Variants in INSL6 observed in about 807,000 individuals in gnomAD.
INSL6 encodes insulin like 6.
In INSL6, 16 loss-of-function variants were observed where a neutral mutation model predicts 9.4. The ratio of observed to expected loss-of-function variants is 1.70; its 90% CI spans 1.15 to 2.59. INSL6 has a LOEUF of 2.59. INSL6 is among the 30% of genes most tolerant of loss of function. The probability of loss-of-function intolerance (pLI) is 0.00; values close to 1 mark genes in which losing one functional copy is unlikely to be tolerated. For missense variants in INSL6, 391 were observed against 257.3 expected, an observed-to-expected ratio of 1.52 and a Z score of -3.56; for synonymous variants, 154 against 96.9, an observed-to-expected ratio of 1.59 and a Z score of -3.46.
the INSL6 span, among the ~76,000 whole-genome samples, chr9:5,056,428 TTAA>T: frequency 6.6e-6 from 1 of 152,228 alleles, no homozygotes; most frequent in East Asian, 1.9e-4. Context: ...ACTAGTCCTA[TTAA>T]TGTTATTTGT....
the INSL6 span, chr9:5,112,157 C>T: frequency 6.9e-6 from 2 of 289,156 alleles, no homozygotes; most frequent in Non-Finnish European, 1.4e-5. Flanking sequence ...AACGTGCACA[C>T]GCTGCTACCC....
chr9:5,055,412 T>A, the INSL6 span, among the ~76,000 whole-genome samples: 3 of 152,028 alleles, frequency 2.0e-5, no homozygotes, highest in Non-Finnish European at 2.9e-5. Flanking sequence ...TTTCTACTAA[T>A]GTTAATTGAA....
chr9:5,026,639 T>C, the INSL6 span, among the ~76,000 whole-genome samples: 2 of 152,224 alleles, frequency 1.3e-5, no homozygotes, highest in Non-Finnish European at 2.9e-5. Flanking sequence ...TTAGAGAACA[T>C]GGTATGAATG....
At chr9:5,163,496 C>T (rs1333690127), downstream of INSL6, among the ~76,000 whole-genome samples, 3 of 152,116 alleles carry the variant, frequency 2.0e-5, no homozygotes, top group Admixed American at 2.0e-4. Context: ...GTAGTTGATT[C>T]GTTATTTTTA....
chr9:5,015,539 T>C, the INSL6 span, among the ~76,000 whole-genome samples: 1 of 25,220 alleles, frequency 4.0e-5, no homozygotes, highest in Admixed American at 3.4e-4. Context: ...TTTTCTTTTC[T>C]TTTTTTTTTT....
chr9:5,032,948 A>C, the INSL6 span, among the ~76,000 whole-genome samples: 7 of 152,222 alleles, frequency 4.6e-5, no homozygotes, highest in African/African-American at 7.2e-5. Context: ...AAACTACTCC[A>C]AGCTAAAGGA....
At chr9:5,148,685 T>C (rs1263829397) in intron 2 of INSL6, among the ~76,000 whole-genome samples, 1 of 152,166 alleles carries the variant, frequency 6.6e-6, no homozygotes, top group East Asian at 1.9e-4. Flanking sequence ...TGTCCAGCAG[T>C]TCCTGGCTTG....
At chr9:5,097,281 A>T in the INSL6 span, 1 of 152,102 alleles carries the variant, frequency 6.6e-6, no homozygotes, top group Middle Eastern at 3.4e-3. Context: ...CATTACCACA[A>T]TATTAACTGA....
chr9:5,086,210 C>T, the INSL6 span: 3 of 589,426 alleles, frequency 5.1e-6, no homozygotes, highest in Non-Finnish European at 6.6e-6. Context: ...CCGCCACCAG[C>T]GCGAGGCCAC....
chr9:5,103,221 CAAAAAAAAAAAAAAAAAAA>C, the INSL6 span, among the ~76,000 whole-genome samples: 6 of 6,874 alleles, frequency 8.7e-4, no homozygotes, highest in Non-Finnish European at 1.2e-3. Context: ...AAAGGGAAAG[CAAAAAAAAAAAAAAAAAAA>C]AAAAAAAAAA....
At chr9:5,167,378 T>C (rs921559472) in intron 1 of INSL6, among the ~76,000 whole-genome samples, 1 of 152,178 alleles carries the variant, frequency 6.6e-6, no homozygotes, top group Admixed American at 6.5e-5. Flanking sequence ...CACGAGTTCC[T>C]GGGGGGAAGA....
chr9:5,113,424 TAAAAAAAAAA>T, the INSL6 span: 50 of 114,114 alleles, frequency 4.4e-4, no homozygotes, highest in South Asian at 5.7e-4. Flanking sequence ...ATTAGTTATT[TAAAAAAAAAA>T]AAAAAAAAAA....
the INSL6 span, among the ~76,000 whole-genome samples, chr9:5,073,106 C>A: frequency 4.6e-5 from 7 of 152,170 alleles, no homozygotes; most frequent in Admixed American, 3.9e-4. Flanking sequence ...ATGATACTTA[C>A]AATATCTTAA....
At chr9:5,160,848 A>G (rs2130902753), downstream of INSL6, among the ~76,000 whole-genome samples, 1 of 152,304 alleles carries the variant, frequency 6.6e-6, no homozygotes, top group East Asian at 1.9e-4. Context: ...CAAGAAAAGG[A>G]TAAATTCCTA....
the INSL6 span, among the ~76,000 whole-genome samples, chr9:5,086,428 T>C: frequency 2.6e-5 from 4 of 152,276 alleles, no homozygotes; most frequent in African/African-American, 7.2e-5. Context: ...GCGACTACTT[T>C]GAAATTATCA....
the INSL6 span, among the ~76,000 whole-genome samples, chr9:5,033,692 A>G: frequency 6.6e-6 from 1 of 152,208 alleles, no homozygotes; most frequent in Non-Finnish European, 1.5e-5. Context: ...GCAAATGCTG[A>G]GAGATTTTGT....
the INSL6 span, among the ~76,000 whole-genome samples, chr9:5,050,414 G>A: frequency 6.6e-6 from 1 of 152,122 alleles, no homozygotes; most frequent in African/African-American, 2.4e-5. Context: ...GGGACTGCAG[G>A]TATGTGCCAC....
At position 5,156,167 on chromosome 9, in the gene INSL6, T is replaced by C. The variant is rs141015071; in HGVS notation, c.376+8012A>G. Among the ~76,000 whole-genome samples, 150 of 152,276 alleles carry C rather than the reference T, an allele frequency of 9.9e-4. 2 individuals are homozygous for C. The Middle Eastern group carries it at 0.014, about 14-fold the overall frequency. ...AAAAAAAGGCCAAATGAACTTAAGATACAGAAAATCTAAGTAGATCTATAA... is the reference window on the plus strand; with the variant it reads ...AAAAAAAGGCCAAATGAACTTAAGACACAGAAAATCTAAGTAGATCTATAA... On this transcript the variant is annotated intron_variant, in intron 2 of 3. Transcript: ENST00000649639.
the INSL6 span, among the ~76,000 whole-genome samples, chr9:5,024,221 A>G: frequency 2.0e-5 from 3 of 152,048 alleles, no homozygotes; most frequent in Non-Finnish European, 2.9e-5. Flanking sequence ...GCGCCACTGC[A>G]CTCCAGCCTG....
Sources: allele counts gnomAD v4.1 joint callset (sites outside exome capture counted in the v4.1 genomes callset), GRCh38; gene constraint gnomAD v4.1.1; transcripts MANE v1.5; gene names NCBI Gene and HGNC (gene_info 2026-07-23, HGNC 2026-07-21).